CACNB2: variants seen among roughly 807,000 people sequenced by gnomAD.
The protein encoded by CACNB2 is calcium voltage-gated channel auxiliary subunit beta 2.
A neutral mutation model predicts 73.3 loss-of-function variants in CACNB2; 42 were observed. The ratio of observed to expected loss-of-function variants is 0.57; its 90% CI spans 0.45 to 0.74. The LOEUF is 0.74. CACNB2 is among the 30% of genes least tolerant of loss of function. The pLI is 0.00. For synonymous variants in CACNB2, 348 were observed against 310.3 expected (o/e 1.12, Z -1.28); for missense variants, 940 against 853.0 (o/e 1.10, Z -1.27).
chr10:18,145,734 A>G (rs2030901772), intron 1 of CACNB2, among the ~76,000 whole-genome samples: 1 of 152,210 alleles, frequency 6.6e-6, no homozygotes, highest in African/African-American at 2.4e-5. Context: ...ACATAACATA[A>G]CATGGTTATG....
intron 2 of CACNB2, among the ~76,000 whole-genome samples, chr10:18,229,756 T>G (rs1033042203): frequency 1.1e-4 from 17 of 152,198 alleles, no homozygotes; most frequent in Admixed American, 9.2e-4. Context: ...TAGTTATGTT[T>G]GTCAATGAAG....
chr10:18,177,578 CAA>C (rs530495405), intron 2 of CACNB2, among the ~76,000 whole-genome samples: 2 of 135,098 alleles, frequency 1.5e-5, no homozygotes. Context: ...GACTCCATCT[CAA>C]AAAAAAAAAG....
chr10:18,325,673 CTT>C (rs2040557857), intron 2 of CACNB2, among the ~76,000 whole-genome samples: 1 of 123,176 alleles, frequency 8.1e-6, no homozygotes, highest in Non-Finnish European at 1.8e-5. Flanking sequence ...CTTTCTTTCT[CTT>C]TCCCTCCCTC....
At chr10:18,304,774 G>C (rs921612359) in intron 2 of CACNB2, among the ~76,000 whole-genome samples, 39 of 152,324 alleles carry the variant, frequency 2.6e-4, no homozygotes, top group Middle Eastern at 6.8e-3. Context: ...AAAACTTACG[G>C]TTTGTGGGAT....
chr10:18,417,837 TTAAA>T (rs1241580175), intron 3 of CACNB2, among the ~76,000 whole-genome samples: 4 of 151,944 alleles, frequency 2.6e-5, no homozygotes, highest in African/African-American at 9.7e-5. Context: ...GAAACAAAAT[TTAAA>T]TAGAGCAAGG....
intron 3 of CACNB2, among the ~76,000 whole-genome samples, chr10:18,477,674 C>T (rs556508854): frequency 6.6e-6 from 1 of 152,196 alleles, no homozygotes; most frequent in African/African-American, 2.4e-5. Context: ...GAAGAGTGGG[C>T]TGCAGAGGGA....
chr10:18,241,402 A>C (rs902719221), intron 2 of CACNB2, among the ~76,000 whole-genome samples: 3 of 152,184 alleles, frequency 2.0e-5, no homozygotes. Flanking sequence ...GGTGACCTAC[A>C]GGGAGGGAAC....
At chr10:18,448,387 A>G (rs1421403739) in intron 3 of CACNB2, among the ~76,000 whole-genome samples, 1 of 151,062 alleles carries the variant, frequency 6.6e-6, no homozygotes, top group Non-Finnish European at 1.5e-5. Context: ...AGGCAGGAGA[A>G]TCACCTGAAC....
Position 18,538,231 on chromosome 10 carries a change from C to A in CACNB2, c.1354C>A (p.His452Asn), listed in dbSNP as rs1228399403. The A allele has an allele frequency of 6.2e-7, 1 of 1,614,116 alleles. No homozygotes were observed. Among genetic ancestry groups the A allele is most frequent in the Non-Finnish European group, 8.5e-7 (1 of 1,179,992 alleles). The change falls in exon 13 of 14, where the codon CAC becomes AAC. Residue 452 changes from histidine to asparagine, a missense_variant. Physicochemically the swap from His to Asn is moderately conservative, Grantham distance 68. Coordinates refer to ENST00000324631, the MANE Select transcript of CACNB2 (RefSeq NM_201596.3). ...GAACCAGCTTGAGGATGCCTGTGAG[C>A]ACCTTGCCGACTATCTGGAGGCCTA... ...DENQLEDACE[H>N]LADYLEAYWK...
chr10:18,499,637 A>AAAAAAAG (rs1554831784), intron 4 of CACNB2, among the ~76,000 whole-genome samples: 4 of 92,540 alleles, frequency 4.3e-5, no homozygotes, highest in South Asian at 3.0e-4. Flanking sequence ...AAAAAAAAAA[A>AAAAAAAG]AAGAACCTAG....
intron 2 of CACNB2, among the ~76,000 whole-genome samples, chr10:18,257,672 G>C (rs1192356810): frequency 1.3e-5 from 2 of 152,136 alleles, no homozygotes; most frequent in Non-Finnish European, 1.5e-5. Flanking sequence ...CTTTGTGAAG[G>C]CTCTATTTTT....
chr10:18,442,960 ATATATATATGTG>A (rs1338066977), intron 3 of CACNB2, among the ~76,000 whole-genome samples: 964 of 30,496 alleles, frequency 0.032, 84 homozygotes, highest in African/African-American at 0.05. Flanking sequence ...ATATATATGT[ATATATATATGTG>A]TATATATATA....
At chr10:18,333,733 G>A (rs1330500066) in intron 2 of CACNB2, among the ~76,000 whole-genome samples, 1 of 152,144 alleles carries the variant, frequency 6.6e-6, no homozygotes, top group African/African-American at 2.4e-5. Flanking sequence ...AATCAAAGAT[G>A]ACACTGTTGA....
intron 3 of CACNB2, among the ~76,000 whole-genome samples, chr10:18,467,830 T>A (rs189519407): frequency 6.6e-6 from 1 of 152,332 alleles, no homozygotes; most frequent in East Asian, 1.9e-4. Context: ...TTAACTATGC[T>A]AAAGTACTCA....
intron 3 of CACNB2, among the ~76,000 whole-genome samples, chr10:18,424,440 C>T (rs1201922716): frequency 6.6e-6 from 1 of 152,030 alleles, no homozygotes; most frequent in Non-Finnish European, 1.5e-5. Context: ...TGTGGTAACG[C>T]CTGGGTGTTG....
At chr10:18,475,009 T>A (rs1352753666) in intron 3 of CACNB2, among the ~76,000 whole-genome samples, 1 of 150,058 alleles carries the variant, frequency 6.7e-6, no homozygotes, top group Non-Finnish European at 1.5e-5. Context: ...CCTACTCAGG[T>A]TCTATAATTT....
chr10:18,289,121 G>A (rs1441159081), intron 2 of CACNB2, among the ~76,000 whole-genome samples: 1 of 151,908 alleles, frequency 6.6e-6, no homozygotes, highest in East Asian at 1.9e-4. Flanking sequence ...ATTTTGAACT[G>A]ATTAAAAATT....
chr10:18,294,905 A>G (rs1424094291), intron 2 of CACNB2, among the ~76,000 whole-genome samples: 6 of 152,208 alleles, frequency 3.9e-5, no homozygotes, highest in Non-Finnish European at 8.8e-5. Context: ...ACATGTAGGA[A>G]CTTCGTAAGA....
At chr10:18,357,275 C>G (rs1210028899) in intron 2 of CACNB2, among the ~76,000 whole-genome samples, 1 of 152,170 alleles carries the variant, frequency 6.6e-6, no homozygotes, top group African/African-American at 2.4e-5. Flanking sequence ...TTTCAGCACT[C>G]GTCCTTTATC....
Sources: gnomAD v4.1 joint callset for allele counts (sites outside exome capture counted in the v4.1 genomes callset) on GRCh38, gnomAD v4.1.1 for gene constraint, MANE v1.5 for transcripts, NCBI Gene and HGNC (gene_info 2026-07-23, HGNC 2026-07-21) for gene names.